MALRD1: variants seen among roughly 807,000 people sequenced by gnomAD.
The protein encoded by MALRD1 is MAM and LDL receptor class A domain containing 1.
Under a neutral mutation model 242.1 loss-of-function variants are expected in MALRD1, and 247 were observed. That is an observed-to-expected ratio of 1.02 (90% CI 0.92 to 1.13). The LOEUF (loss-of-function observed/expected upper bound fraction) is 1.13. MALRD1 is among the 50% of genes most tolerant of loss of function. MALRD1 has a pLI of 0.00. For synonymous variants in MALRD1, 995 were observed against 866.6 expected (o/e 1.15, Z -2.60); for missense variants, 2,989 against 2,533.1 (o/e 1.18, Z -3.86).
intron 12 of MALRD1, among the ~76,000 whole-genome samples, chr10:19,161,539 G>C (rs887282242): frequency 4.9e-4 from 28 of 56,670 alleles, no homozygotes; most frequent in South Asian, 4.4e-3. Flanking sequence ...TAAAAATAAA[G>C]AAAAAAAAAG....
chr10:19,189,293 G>A (rs533792762), intron 14 of MALRD1, among the ~76,000 whole-genome samples: 88 of 152,174 alleles, frequency 5.8e-4, no homozygotes, highest in African/African-American at 1.6e-3. Flanking sequence ...CCTACAACTA[G>A]CAAAGAGATT....
intron 18 of MALRD1, among the ~76,000 whole-genome samples, chr10:19,211,150 C>T (rs1353872222): frequency 2.0e-5 from 3 of 151,974 alleles, no homozygotes; most frequent in Admixed American, 1.3e-4. Flanking sequence ...GATTGGTTTC[C>T]AGGAGAAAAT....
intron 36 of MALRD1, among the ~76,000 whole-genome samples, chr10:19,657,808 A>AG (rs1364269843): frequency 3.9e-5 from 6 of 152,194 alleles, no homozygotes; most frequent in African/African-American, 1.4e-4. Context: ...AGAAGAATCA[A>AG]ACAATATAGA....
At chr10:19,453,823 G>A (rs906709629) in intron 29 of MALRD1, among the ~76,000 whole-genome samples, 1 of 151,918 alleles carries the variant, frequency 6.6e-6, no homozygotes, top group Non-Finnish European at 1.5e-5. Flanking sequence ...TTTGCAGTGA[G>A]CCGAGATCGC....
intron 2 of MALRD1, among the ~76,000 whole-genome samples, chr10:19,073,728 C>A (rs1211576898): frequency 1.3e-5 from 2 of 152,038 alleles, no homozygotes; most frequent in African/African-American, 4.8e-5. Context: ...TGGTCCCAAG[C>A]ATTTTAGGTA....
At chr10:19,293,423 A>G (rs1266327772) in intron 21 of MALRD1, among the ~76,000 whole-genome samples, 2 of 152,228 alleles carry the variant, frequency 1.3e-5, no homozygotes, top group African/African-American at 4.8e-5. Flanking sequence ...CACACAAAAC[A>G]ATGTCCTTAT....
chr10:19,155,257 A>G (rs1044725467), intron 12 of MALRD1, 85 bp downstream of exon 12: 18 of 586,738 alleles, frequency 3.1e-5, no homozygotes, highest in African/African-American at 2.9e-4. Context: ...ATTGCCCGCC[A>G]TGTTTTACTA....
At chr10:19,391,762 T>C (rs1211665268) in intron 28 of MALRD1, among the ~76,000 whole-genome samples, 1 of 152,218 alleles carries the variant, frequency 6.6e-6, no homozygotes, top group Admixed American at 6.5e-5. Context: ...TAACTGGCTG[T>C]TCATTAGAAA....
chr10:19,356,809 A>C lies in MALRD1; in HGVS notation c.4441+4512A>C, dbSNP rs569122846. 3.9e-5 allele frequency among the ~76,000 whole-genome samples: 6 copies of C among 152,148 alleles called. No individual in the cohort carries two copies. In the South Asian group the frequency reaches 1.2e-3, roughly 32 times the overall value. ...TTTCAGCTATTTTCCTATTTAATAG[A>C]AGTATAAAAATGTACCTTGCCAGGC... On this transcript the variant is annotated intron_variant, in intron 26 of 39. Coordinates refer to ENST00000454679, the MANE Select transcript of MALRD1 (RefSeq NM_001142308.3).
At chr10:19,200,645 GTTTTTTTTTTTTT>G (rs71387053) in intron 14 of MALRD1, among the ~76,000 whole-genome samples, 2 of 69,450 alleles carry the variant, frequency 2.9e-5, no homozygotes, top group Non-Finnish European at 5.1e-5. Context: ...CCTGCTTGAG[GTTTTTTTTTTTTT>G]TTTTTTTTTT....
intron 26 of MALRD1, among the ~76,000 whole-genome samples, chr10:19,363,946 A>T (rs961290953): frequency 2.5e-4 from 38 of 152,252 alleles, no homozygotes; most frequent in African/African-American, 9.1e-4. Flanking sequence ...ATTGCATTGC[A>T]GTAAAAAAGA....
At chr10:19,435,402 T>A (rs1489365515) in intron 28 of MALRD1, among the ~76,000 whole-genome samples, 4 of 152,114 alleles carry the variant, frequency 2.6e-5, no homozygotes, top group African/African-American at 9.7e-5. Context: ...TTTCCTTGGT[T>A]TTAGACTAAT....
At chr10:19,160,956 A>G (rs1367385375) in intron 12 of MALRD1, among the ~76,000 whole-genome samples, 4 of 151,440 alleles carry the variant, frequency 2.6e-5, no homozygotes, top group South Asian at 2.1e-4. Context: ...TTGTGTCTCT[A>G]TTTCCTTCAG....
At chr10:19,435,664 G>C (rs922920257) in intron 28 of MALRD1, among the ~76,000 whole-genome samples, 1 of 152,136 alleles carries the variant, frequency 6.6e-6, no homozygotes, top group East Asian at 1.9e-4. Flanking sequence ...GTATCAAAAT[G>C]CAAGGTCATG....
intron 19 of MALRD1, among the ~76,000 whole-genome samples, chr10:19,271,582 T>C (rs1313367422): frequency 6.6e-6 from 1 of 151,980 alleles, no homozygotes; most frequent in South Asian, 2.1e-4. Flanking sequence ...GCTAACACGG[T>C]GAAACCCCGT....
intron 36 of MALRD1, among the ~76,000 whole-genome samples, chr10:19,674,248 A>C (rs527326887): frequency 9.5e-4 from 145 of 152,296 alleles, no homozygotes; most frequent in African/African-American, 3.4e-3. Context: ...AGGCCAGAAA[A>C]CACATGGTTT....
chr10:19,324,862 G>A (rs951315133), intron 22 of MALRD1, among the ~76,000 whole-genome samples: 1 of 150,860 alleles, frequency 6.6e-6, no homozygotes, highest in East Asian at 1.9e-4. Context: ...TATTTCTATT[G>A]CATCCTGTTA....
chr10:19,209,103 C>CT (rs933880905), intron 17 of MALRD1, among the ~76,000 whole-genome samples, 165 bp from the exon 18 acceptor site: 11 of 151,880 alleles, frequency 7.2e-5, no homozygotes, highest in African/African-American at 1.7e-4. Flanking sequence ...AACAAAAACT[C>CT]TTTTTTTAAA....
At chr10:19,445,304 T>C (rs1372560334) in intron 28 of MALRD1, among the ~76,000 whole-genome samples, 1 of 152,216 alleles carries the variant, frequency 6.6e-6, no homozygotes, top group Admixed American at 6.5e-5. Flanking sequence ...TGAAGCTTAC[T>C]TCTGTCAATT....
Sources: allele counts gnomAD v4.1 joint callset (sites outside exome capture counted in the v4.1 genomes callset), GRCh38; gene constraint gnomAD v4.1.1; transcripts MANE v1.5; gene names NCBI Gene and HGNC (gene_info 2026-07-23, HGNC 2026-07-21).